ST7L: variants seen among roughly 807,000 people sequenced by gnomAD.
ST7L encodes suppressor of tumorigenicity 7 protein-like.
ST7L carries 57 observed loss-of-function variants against 72.5 expected under a neutral mutation model. The observed-to-expected ratio is 0.79, with a 90% CI of 0.64 to 0.98. The LOEUF is 0.98. ST7L is among the 50% of genes least tolerant of loss of function. ST7L has a pLI of 0.00. For missense variants in ST7L, 576 were observed against 672.2 expected (o/e 0.86, Z 1.58); for synonymous variants, 221 against 240.9 (o/e 0.92, Z 0.77).
chr1:112,571,186 A>G, intron 11 of ST7L: 2 of 397,528 alleles, frequency 5.0e-6, no homozygotes, highest in Non-Finnish European at 9.9e-6. Flanking sequence ...CAAATTCTTC[A>G]AAAAAACCTT....
At chr1:112,534,685 G>A (rs778226408) in intron 14 of ST7L, among the ~76,000 whole-genome samples, 1 of 151,942 alleles carries the variant, frequency 6.6e-6, no homozygotes, top group Non-Finnish European at 1.5e-5. Context: ...GACTATGCTG[G>A]GTCTGCAAGA....
chr1:112,570,138 T>C (rs1370180436), intron 11 of ST7L, among the ~76,000 whole-genome samples: 1 of 152,028 alleles, frequency 6.6e-6, no homozygotes, highest in Non-Finnish European at 1.5e-5. Flanking sequence ...GTTTTTGTGT[T>C]TGGCAACTAA....
chr1:112,588,692 T>C (rs963790734), intron 6 of ST7L, among the ~76,000 whole-genome samples: 1 of 152,202 alleles, frequency 6.6e-6, no homozygotes, highest in Non-Finnish European at 1.5e-5. Context: ...GTGTACTACA[T>C]TGACTGATTT....
chr1:112,560,480 A>G (rs896299448), intron 11 of ST7L, among the ~76,000 whole-genome samples: 1 of 152,170 alleles, frequency 6.6e-6, no homozygotes, highest in Non-Finnish European at 1.5e-5. Context: ...GATCCCCAAA[A>G]TATAAGAGAA....
At chr1:112,585,764 A>G (rs1211149970) in intron 6 of ST7L, among the ~76,000 whole-genome samples, 3 of 152,090 alleles carry the variant, frequency 2.0e-5, no homozygotes, top group African/African-American at 7.2e-5. Context: ...TTTTGAATAT[A>G]GCTAAATAAA....
chr1:112,567,649 T>C (rs1161820779), intron 11 of ST7L, among the ~76,000 whole-genome samples: 1 of 152,196 alleles, frequency 6.6e-6, no homozygotes, highest in African/African-American at 2.4e-5. Context: ...AAAAAATTCA[T>C]GATTCCCTCC....
intron 6 of ST7L, among the ~76,000 whole-genome samples, chr1:112,589,848 T>C (rs1420577565): frequency 1.1e-4 from 16 of 152,216 alleles, no homozygotes; most frequent in Admixed American, 1.0e-3. Flanking sequence ...AGCTTAGGAC[T>C]TTCTCAAGTC....
At chr1:112,611,587 AC>A (rs1669066777) in intron 2 of ST7L, among the ~76,000 whole-genome samples, 1 of 152,180 alleles carries the variant, frequency 6.6e-6, no homozygotes, top group Non-Finnish European at 1.5e-5. Context: ...CCCATATTGA[AC>A]CATTTAAAAA....
At chr1:112,550,502 C>G in intron 13 of ST7L, 99 bp downstream of exon 13, 1 of 844,372 alleles carries the variant, frequency 1.2e-6, no homozygotes, top group Non-Finnish European at 1.9e-6. Flanking sequence ...AAACAGTGTC[C>G]TGAATTTAAA....
At chr1:112,619,615 A>C (rs1428593015), upstream of ST7L, 2 of 561,342 alleles carry the variant, frequency 3.6e-6, no homozygotes, top group East Asian at 6.0e-5. Flanking sequence ...AGTGTAACTC[A>C]TTGGGAAAGA....
intron 2 of ST7L, among the ~76,000 whole-genome samples, chr1:112,615,703 A>G (rs1156991564): frequency 1.3e-5 from 2 of 152,086 alleles, no homozygotes; most frequent in South Asian, 2.1e-4. Context: ...TTTAATGGGC[A>G]AATTTTATAT....
intron 5 of ST7L, among the ~76,000 whole-genome samples, chr1:112,597,338 G>A (rs895248547): frequency 5.3e-5 from 8 of 152,144 alleles, no homozygotes; most frequent in Admixed American, 4.6e-4. Flanking sequence ...CCCAGACCAG[G>A]GCACAGTGGC....
chr1:112,558,819 A>T (rs1442102425), intron 11 of ST7L, among the ~76,000 whole-genome samples: 2 of 152,126 alleles, frequency 1.3e-5, no homozygotes, highest in Admixed American at 6.6e-5. Context: ...CATTTTTTTT[A>T]AAACACAGTA....
At chr1:112,545,479 CT>C (rs1199812235) in intron 13 of ST7L, among the ~76,000 whole-genome samples, 1 of 152,136 alleles carries the variant, frequency 6.6e-6, no homozygotes, top group African/African-American at 2.4e-5. Flanking sequence ...AAGGTCCATT[CT>C]TTTGCCTTAA....
chr1:112,608,616 T>A (rs1570624427), intron 3 of ST7L, among the ~76,000 whole-genome samples: 1 of 152,356 alleles, frequency 6.6e-6, no homozygotes, highest in South Asian at 2.1e-4. Context: ...AATCACATCA[T>A]GTGCTATTGT....
At chr1:112,619,202 G>A, upstream of ST7L, 4 of 1,318,850 alleles carry the variant, frequency 3.0e-6, no homozygotes, top group South Asian at 5.3e-5. Context: ...CGGACCTGAA[G>A]TTGGCCTCTG....
intron 11 of ST7L, among the ~76,000 whole-genome samples, chr1:112,576,622 T>C (rs1663145052): frequency 6.6e-6 from 1 of 152,246 alleles, no homozygotes; most frequent in African/African-American, 2.4e-5. Flanking sequence ...CCCAGGCATC[T>C]GTCTAGAAAA....
At chr1:112,576,913 ACT>A in intron 11 of ST7L, 71 bp downstream of exon 11, 2 of 1,137,340 alleles carry the variant, frequency 1.8e-6, no homozygotes, top group Non-Finnish European at 2.6e-6. Context: ...GGTGACCCAG[ACT>A]CTGGTCTACG....
chr1:112,566,123 G>A (rs1375945338), intron 11 of ST7L, among the ~76,000 whole-genome samples: 1 of 151,872 alleles, frequency 6.6e-6, no homozygotes, highest in Non-Finnish European at 1.5e-5. Flanking sequence ...AATTTCATCA[G>A]AAGGCATGAT....
Sources: allele counts gnomAD v4.1 joint callset (sites outside exome capture counted in the v4.1 genomes callset), GRCh38; gene constraint gnomAD v4.1.1; transcripts MANE v1.5; gene names NCBI Gene and HGNC (gene_info 2026-07-23, HGNC 2026-07-21).